Variants in AFF3 observed in about 807,000 individuals in gnomAD.
AFF3 encodes the protein AF4/FMR2 family member 3.
Under a neutral mutation model 129.7 loss-of-function variants are expected in AFF3, and 32 were observed. That is an observed-to-expected ratio of 0.25 (90% confidence interval 0.19 to 0.33). The LOEUF (loss-of-function observed/expected upper bound fraction) is 0.33, where lower values mean the gene tolerates loss of function less well. Among genes scored for constraint, AFF3 ranks in the 10% least tolerant of loss-of-function variants. The pLI is 1.00. For synonymous variants in AFF3, 644 were observed against 635.4 expected (o/e 1.01, Z -0.20); for missense variants, 1,373 against 1,592.0 (o/e 0.86, Z 2.34).
chr2:99,893,354 T>A (rs2106096263), intron 7 of AFF3, among the ~76,000 whole-genome samples: 1 of 152,348 alleles, frequency 6.6e-6, no homozygotes, highest in East Asian at 1.9e-4. Flanking sequence ...TGACAGTCTC[T>A]ATTTAGACAG....
chr2:99,841,875 T>C (rs190797275), intron 7 of AFF3, among the ~76,000 whole-genome samples: 22 of 152,324 alleles, frequency 1.4e-4, no homozygotes, highest in African/African-American at 4.8e-4. Context: ...AGCTGGCTCA[T>C]GCTGAGGTAA....
chr2:99,929,103 C>A (rs1255475911), intron 7 of AFF3, among the ~76,000 whole-genome samples: 1 of 152,178 alleles, frequency 6.6e-6, no homozygotes, highest in Admixed American at 6.5e-5. Flanking sequence ...AGTAAAAACT[C>A]AGCAAGGTGA....
chr2:99,669,876 G>A (rs1018606991), intron 12 of AFF3, among the ~76,000 whole-genome samples: 1 of 152,144 alleles, frequency 6.6e-6, no homozygotes, highest in Non-Finnish European at 1.5e-5. Context: ...CTTGAACCTG[G>A]GAGGCGGAGG....
At chr2:100,114,823 C>T (rs944278013) in intron 2 of AFF3, among the ~76,000 whole-genome samples, 2 of 152,180 alleles carry the variant, frequency 1.3e-5, no homozygotes, top group Non-Finnish European at 2.9e-5. Context: ...TGCAAGCCCC[C>T]GTGTTGAGTT....
intron 4 of AFF3, among the ~76,000 whole-genome samples, chr2:100,054,466 T>C (rs779249332): frequency 6.6e-6 from 1 of 152,294 alleles, no homozygotes; most frequent in South Asian, 2.1e-4. Context: ...GGAATCTCTT[T>C]CTGCTTGACT....
chr2:99,831,607 G>GAA (rs10690929), intron 8 of AFF3, among the ~76,000 whole-genome samples: 94,268 of 151,954 alleles, frequency 0.62, 30,597 homozygotes, highest in South Asian at 0.79. Flanking sequence ...CACTGCAATC[G>GAA]AAAACCTCAT....
intron 8 of AFF3, among the ~76,000 whole-genome samples, chr2:99,828,069 G>C (rs1163075023): frequency 1.3e-5 from 2 of 152,052 alleles, no homozygotes; most frequent in Non-Finnish European, 2.9e-5. Context: ...TGGTTCTTGG[G>C]GATGAGAAAA....
rs1354323782 is a variant in AFF3 at position 100,062,024 on chromosome 2, G to A, written c.53+42378C>T. Among the ~76,000 whole-genome samples the A allele has an allele frequency of 3.9e-5, 6 of 152,320 alleles. No individual in the cohort carries two copies. In the East Asian group the frequency reaches 1.2e-3, roughly 29 times the overall value. On this transcript the variant is annotated intron_variant, in intron 4 of 24. Transcript: ENST00000672756. Reference sequence around the variant, plus strand: ...AATTGCACTGGGAAGGACCTGAACTGCATTCTCCCTCTGAAGTGGAGGAAA... The same window carrying A: ...AATTGCACTGGGAAGGACCTGAACTACATTCTCCCTCTGAAGTGGAGGAAA...
chr2:99,892,783 C>T (rs1693670016), intron 7 of AFF3, among the ~76,000 whole-genome samples: 1 of 152,194 alleles, frequency 6.6e-6, no homozygotes, highest in African/African-American at 2.4e-5. Context: ...GCACTGCAGG[C>T]CCTGACTGCT....
intron 18 of AFF3, among the ~76,000 whole-genome samples, chr2:99,577,357 AC>A (rs900260736): frequency 1.1e-4 from 17 of 152,024 alleles, no homozygotes; most frequent in Admixed American, 3.3e-4. Flanking sequence ...TCCATGTGAC[AC>A]CCCTTAGGAG....
chr2:100,038,726 T>TC (rs1465940072), intron 4 of AFF3, among the ~76,000 whole-genome samples: 1 of 148,216 alleles, frequency 6.7e-6, no homozygotes, highest in African/African-American at 2.6e-5. Context: ...TTCTTCTTCT[T>TC]CTTTTTTTTT....
At chr2:99,797,073 T>C (rs1685604832) in intron 8 of AFF3, among the ~76,000 whole-genome samples, 1 of 151,960 alleles carries the variant, frequency 6.6e-6, no homozygotes, top group African/African-American at 2.4e-5. Flanking sequence ...CAACCAAAGA[T>C]TACCAGATAG....
At chr2:99,561,416 A>G (rs1262369395) in intron 20 of AFF3, among the ~76,000 whole-genome samples, 1 of 152,222 alleles carries the variant, frequency 6.6e-6, no homozygotes, top group Non-Finnish European at 1.5e-5. Flanking sequence ...TACAATATAC[A>G]TGTAATTTAT....
intron 11 of AFF3, among the ~76,000 whole-genome samples, chr2:99,675,138 C>G (rs1172361394): frequency 6.6e-6 from 1 of 152,122 alleles, no homozygotes. Context: ...CTGTCACTGA[C>G]TTTACCTCTC....
In AFF3 at chr2:99,895,515, C is replaced by A. The variant is rs563334811; in HGVS notation, c.874-57991G>T. ...TATTGAACTGCATCCATTTACATAACCTTCTGAAGTCAGTTTTATAAAGAG... is the reference window on the plus strand; with the variant it reads ...TATTGAACTGCATCCATTTACATAAACTTCTGAAGTCAGTTTTATAAAGAG... On this transcript the variant is annotated intron_variant, in intron 7 of 24. Transcript: ENST00000672756. Among the ~76,000 whole-genome samples, 3 of 152,242 alleles carry A rather than the reference C, an allele frequency of 2.0e-5. No individual in the cohort carries two copies. In the South Asian group the frequency reaches 6.2e-4, roughly 32 times the overall value.
chr2:99,549,290 A>G lies in AFF3; in HGVS notation c.*2184T>C, dbSNP rs1307874399. 5.0e-6 allele frequency: 1 copy of G among 199,340 alleles called. No individual in the cohort carries two copies. The highest frequency in any genetic ancestry group is 1.0e-5 in the Non-Finnish European group (1 of 96,544). 12.3% of individuals were successfully genotyped at this position (199,340 alleles called of 1,614,324 possible). ...AGGATGGGATTGTGAACTCTGCCAA[A>G]AATTAGTGAAAGGGCTGGGTGTGGT... is the stretch of plus-strand genomic sequence containing the variant. On this transcript the variant is annotated 3_prime_UTR_variant, in exon 25 of 25. Coordinates refer to ENST00000672756, the MANE Select transcript of AFF3 (RefSeq NM_001386135.1).
intron 8 of AFF3, among the ~76,000 whole-genome samples, chr2:99,827,851 A>C (rs1688207254): frequency 6.6e-6 from 1 of 151,916 alleles, no homozygotes; most frequent in Non-Finnish European, 1.5e-5. Context: ...TTGTACCCCC[A>C]GCGCCGAGAA....
At chr2:100,120,274 G>T (rs767283590) in intron 2 of AFF3, among the ~76,000 whole-genome samples, 1 of 152,066 alleles carries the variant, frequency 6.6e-6, no homozygotes, top group Non-Finnish European at 1.5e-5. Flanking sequence ...GCATGAAACC[G>T]TGGTCACAGA....
intron 11 of AFF3, among the ~76,000 whole-genome samples, chr2:99,704,494 C>T (rs1420005353): frequency 1.3e-5 from 2 of 152,114 alleles, no homozygotes; most frequent in Non-Finnish European, 2.9e-5. Flanking sequence ...AAGGTGCAGG[C>T]TAGGCTCCCC....
Sources: gnomAD v4.1 joint callset for allele counts (sites outside exome capture counted in the v4.1 genomes callset) on GRCh38, gnomAD v4.1.1 for gene constraint, MANE v1.5 for transcripts, NCBI Gene and HGNC (gene_info 2026-07-23, HGNC 2026-07-21) for gene names.